The following ADCY4 variants were observed in gnomAD, a reference collection of about 807,000 sequenced individuals.
The protein encoded by ADCY4 is adenylate cyclase 4.
ADCY4 carries 111 observed loss-of-function variants against 125.5 expected under a neutral mutation model. That is an observed-to-expected ratio of 0.88 (90% CI 0.76 to 1.04). The LOEUF (loss-of-function observed/expected upper bound fraction) is 1.04, where lower values mean the gene tolerates loss of function less well. ADCY4 is among the 50% of genes least tolerant of loss of function. ADCY4 has a pLI of 0.00. For synonymous variants in ADCY4, 576 were observed against 586.9 expected, an observed-to-expected ratio of 0.98 and a Z score of 0.27; for missense variants, 1,256 against 1,382.9, an observed-to-expected ratio of 0.91 and a Z score of 1.46.
In ADCY4 at chr14:24,329,885, G is replaced by A; in HGVS notation, c.1192C>T (p.His398Tyr). 6.2e-7 allele frequency: 1 copy of A among 1,614,016 alleles called. No individual in the cohort carries two copies. Among genetic ancestry groups the A allele is most frequent in the Admixed American group, 1.7e-5 (1 of 60,022 alleles). The change falls in exon 8 of 25, where the codon CAC becomes TAC. Residue 398 changes from histidine (H) to tyrosine (Y), a missense_variant. Transcript: ENST00000418030. ...VWSHDVTLAN[H>Y]MEAGGVPGRV... ...CCTGGTACACCGCCTGCCTCCATGT[G>A]GTTAGCCAGTGTGACATCATGTGAC...
In ADCY4 at chr14:24,319,405, T is replaced by C; in HGVS notation, c.2765A>G (p.Glu922Gly). 6.2e-7 allele frequency: 1 copy of C among 1,614,204 alleles called. No homozygotes were observed. Among genetic ancestry groups the C allele is most frequent in the Non-Finnish European group, 8.5e-7 (1 of 1,180,028 alleles). Residue 922 changes from glutamate to glycine, a missense_variant, in exon 22 of 25, where the codon GAG becomes GGG. By Grantham distance (98) the Glu-to-Gly change is moderately conservative. Coordinates refer to ENST00000418030, the MANE Select transcript of ADCY4 (RefSeq NM_001198568.2). The surrounding 1 kb of genome is among the most constrained non-coding windows in gnomAD (Gnocchi z 4.5). ...LLSKPKFSGV[E>G]KIKTIGSTYM... ...GGTGCTGCCGATGGTCTTGATCTTC[T>C]CCACCCCACTGAACTTGGGCTTGGA...
rs141721138 is a variant in ADCY4, at chr14:24,329,972, C to T, written c.1105G>A (p.Val369Met). 51 of 1,614,002 alleles carry T rather than the reference C, an allele frequency of 3.2e-5. No individual in the cohort carries two copies. The highest frequency in any genetic ancestry group is 4.0e-5 in the African/African-American group (3 of 74,906). Residue 369 changes from valine to methionine, a missense_variant, in exon 8 of 25, where the codon GTG becomes ATG. Transcript: ENST00000418030. ...CCACACAGTACGCTGCCTGAGTGCA[C>T]GCCCACACGCATGTTGATGTCCACG... ...TGVDINMRVG[V>M]HSGSVLCGVI...
In ADCY4 at chr14:24,330,846, G is replaced by A. The variant is rs570336171; in HGVS notation, c.930+172C>T. On this transcript the variant is annotated intron_variant, in intron 6 of 24. Transcript: ENST00000418030. Reference sequence around the variant, plus strand: ...GTAGGTTTGAGGTGTGTGGTGAGCAGCTTCATGACTGGGAATGTTTGAGAG... The same window carrying A: ...GTAGGTTTGAGGTGTGTGGTGAGCAACTTCATGACTGGGAATGTTTGAGAG... 9.0e-4 allele frequency: 556 copies of A among 616,784 alleles called. 1 individual carries two copies. Among genetic ancestry groups the A allele is most frequent in the Non-Finnish European group, 1.3e-3 (464 of 352,528 alleles). 38.2% of individuals were successfully genotyped at this position (616,784 alleles called of 1,614,324 possible). A position where few individuals can be genotyped will look rare whatever the true frequency, so the allele number is the denominator to read the frequency against.
intron 20 of ADCY4, chr14:24,321,653 C>A (rs1312230201): frequency 3.7e-6 from 1 of 270,000 alleles, no homozygotes; most frequent in Non-Finnish European, 5.8e-6. Context: ...CTATGAGAAT[C>A]TGATGCTGCT....
In ADCY4 at chr14:24,326,403, C is replaced by T. The variant is rs954696374; in HGVS notation, c.1525-61G>A. The T allele has an allele frequency of 7.6e-6, 12 of 1,580,948 alleles. No individual in the cohort carries two copies. The African/African-American group carries it at 1.6e-4, about 21-fold the overall frequency. ...GGTGTTTTCCCTGCAGTGAGGTAGA[C>T]CATGAGCCACACTGCATGCTCTATA... On this transcript the variant is annotated intron_variant, in intron 10 of 24. Transcript: ENST00000418030.
At chr14:24,333,053 A>C in intron 1 of ADCY4, 65 bp from the exon 2 acceptor site, 1 of 1,462,490 alleles carries the variant, frequency 6.8e-7, no homozygotes, top group Non-Finnish European at 9.0e-7. Flanking sequence ...ATAAAGGAAA[A>C]GCCAGCAGCC....
chr14:24,333,635 C>A (rs2139229857), intron 1 of ADCY4, among the ~76,000 whole-genome samples: 1 of 152,326 alleles, frequency 6.6e-6, no homozygotes, highest in East Asian at 1.9e-4. Context: ...AAACGGGAAC[C>A]AAAGCGTCAT....
In ADCY4 at chr14:24,323,384, G is replaced by A. The variant is rs374717465; in HGVS notation, c.2117C>T (p.Ser706Phe). The part of the protein sequence containing the change: ...PNVSSMISNL[S>F]WELPGSLPLI... ...AGGCAGAGACCCAGGGAGCTCCCAG[G>A]AGAGGTTGGAAATCATGGAGGACAC... The change falls in exon 17 of 25, where the codon TCC (serine) becomes TTC (phenylalanine). Residue 706 changes from serine (S) to phenylalanine (F), a missense_variant. Ser to Phe is a radical substitution (Grantham distance 155). Coordinates refer to ENST00000418030, the MANE Select transcript of ADCY4 (RefSeq NM_001198568.2). 35 of 1,557,632 alleles carry A rather than the reference G, an allele frequency of 2.2e-5. No individual in the cohort carries two copies. The South Asian group carries it at 4.1e-4, about 18-fold the overall frequency.
At position 24,332,687 on chromosome 14, in the gene ADCY4, G is replaced by A. The variant is rs771327949; in HGVS notation, c.358-4C>T. 19 of 1,583,694 alleles carry A rather than the reference G, an allele frequency of 1.2e-5. No homozygotes were observed. The highest frequency in any genetic ancestry group is 1.6e-5 in the Non-Finnish European group (19 of 1,164,700). ...TGACGAAGAGAAAATAGGACACCTG[G>A]GGGCGGGGCGCGGGAAGCCGAAGGC... On this transcript the variant is annotated splice_region_variant and splice_polypyrimidine_tract_variant and intron_variant, in intron 2 of 24. Transcript: ENST00000418030.
chr14:24,322,802 C>G (rs1288737185), intron 18 of ADCY4, 94 bp from the exon 19 acceptor site: 2 of 1,548,406 alleles, frequency 1.3e-6, no homozygotes, highest in African/African-American at 2.7e-5. Flanking sequence ...TCCCACTTTG[C>G]CCTGTGGGTG....
At chr14:24,324,536 G>T in intron 14 of ADCY4, 145 bp from the exon 15 acceptor site, 10 of 914,918 alleles carry the variant, frequency 1.1e-5, no homozygotes, top group Non-Finnish European at 1.5e-5. Context: ...GCTGATAGAA[G>T]ACATTGCATT....
chr14:24,318,953 C>T (rs2041811580), intron 23 of ADCY4, 145 bp downstream of exon 23: 5 of 1,389,158 alleles, frequency 3.6e-6, no homozygotes, highest in African/African-American at 2.9e-5. Context: ...ACCTCCTTGC[C>T]CAGCACCTTC....
intron 20 of ADCY4, 58 bp downstream of exon 20, chr14:24,322,008 C>T (rs774244392): frequency 7.1e-6 from 11 of 1,542,872 alleles, no homozygotes; most frequent in Non-Finnish European, 9.7e-6. Flanking sequence ...TCAAGGCTTT[C>T]ATCTGAAATT....
chr14:24,323,621 C>A (rs1312224905), intron 16 of ADCY4, 167 bp from the exon 17 acceptor site: 1 of 1,433,684 alleles, frequency 7.0e-7, no homozygotes, highest in Admixed American at 2.7e-5. Context: ...GGTCCTCACT[C>A]GGGGAGGAGT....
intron 16 of ADCY4, chr14:24,323,783 G>T: frequency 1.9e-6 from 1 of 515,516 alleles, no homozygotes; most frequent in African/African-American, 2.1e-5. Flanking sequence ...TTCTAGGAAT[G>T]AGTCTAAATC....
chr14:24,333,809 GCGGCGTC>G (rs1566443062), intron 1 of ADCY4, among the ~76,000 whole-genome samples: 3 of 152,160 alleles, frequency 2.0e-5, no homozygotes, highest in African/African-American at 4.8e-5. Flanking sequence ...GCCAGGACCC[GCGGCGTC>G]CCGCACCTCC....
Position 24,329,011 on chromosome 14 carries a change from T to G in ADCY4, c.1524+50A>C, listed in dbSNP as rs953333281. On this transcript the variant is annotated intron_variant, in intron 10 of 24. Transcript: ENST00000418030. The stretch of plus-strand genomic sequence containing the variant: ...GGCTGCCAGTGGGGCCTGAGGATAC[T>G]GGGGGTGGATTTAACTAAGCTCTGG... 4 of 1,586,714 alleles carry G rather than the reference T, an allele frequency of 2.5e-6. No homozygotes were observed. The African/African-American group carries it at 4.0e-5, about 16-fold the overall frequency.
At chr14:24,329,572 C>T in intron 8 of ADCY4, 39 bp from the exon 9 acceptor site, 1 of 1,502,234 alleles carries the variant, frequency 6.7e-7, no homozygotes. Context: ...CAGGGAGGGC[C>T]TTCAAATCTC....
chr14:24,332,228 C>T, intron 3 of ADCY4: 2 of 457,952 alleles, frequency 4.4e-6, no homozygotes, highest in East Asian at 3.4e-5. Context: ...CCACTCCCAT[C>T]GCACAAAACT....
Sources: gnomAD v4.1 joint callset for allele counts (sites outside exome capture counted in the v4.1 genomes callset) on GRCh38, gnomAD v4.1.1 for gene constraint, Gnocchi (gnomAD v3.1) non-coding constraint, MANE v1.5 for transcripts, NCBI Gene and HGNC (gene_info 2026-07-23, HGNC 2026-07-21) for gene names.